The following DSCAML1 variants were observed in gnomAD, a reference collection of about 807,000 sequenced individuals.
DSCAML1 encodes DS cell adhesion molecule like 1.
Under a neutral mutation model 200.5 loss-of-function variants are expected in DSCAML1, and 38 were observed. The ratio of observed to expected loss-of-function variants is 0.19; its 90% CI spans 0.15 to 0.25. The LOEUF is 0.25. DSCAML1 is among the 10% of genes least tolerant of loss of function. DSCAML1 has a pLI of 1.00. For missense variants in DSCAML1, 2,223 were observed against 2,858.8 expected, an observed-to-expected ratio of 0.78 and a Z score of 5.07; for synonymous variants, 1,215 against 1,165.0, an observed-to-expected ratio of 1.04 and a Z score of -0.87.
intron 3 of DSCAML1, among the ~76,000 whole-genome samples, chr11:117,710,575 C>T (rs575629902): frequency 1.9e-4 from 29 of 152,318 alleles, no homozygotes; most frequent in African/African-American, 7.0e-4. Flanking sequence ...CAGCTCTGCA[C>T]CTTACAACCT....
In DSCAML1 at chr11:117,780,756, T is replaced by G; in HGVS notation, c.101A>C (p.Gln34Pro). 1 of 1,533,540 alleles carries G rather than the reference T, an allele frequency of 6.5e-7. No homozygotes were observed. The highest frequency in any genetic ancestry group is 8.8e-7 in the Non-Finnish European group (1 of 1,142,516). 95.0% of individuals were successfully genotyped at this position (1,533,540 alleles called of 1,614,324 possible). A position where few individuals can be genotyped will look rare whatever the true frequency, so the allele number is the denominator to read the frequency against. The change falls in exon 2 of 33, where the codon CAG (glutamine) becomes CCG (proline). Residue 34 changes from glutamine (Q) to proline (P), a missense_variant. By Grantham distance (76) the Gln-to-Pro change is moderately conservative. Coordinates refer to ENST00000651296, the MANE Select transcript of DSCAML1 (RefSeq NM_020693.4). This position sits in a 1 kb window ranked among gnomAD's most constrained non-coding sequence, Gnocchi z 4.8. ...CCCCACGGAGCTGGAAAAGGTCACC[T>G]GCTGCAAGGAGTCATTTACAAAGTA... ...SLYFVNDSLQ[Q>P]VTFSSSVGVV...
chr11:117,803,272 G>A (rs972884102), intron 1 of DSCAML1, among the ~76,000 whole-genome samples: 1 of 152,126 alleles, frequency 6.6e-6, no homozygotes, highest in African/African-American at 2.4e-5. Context: ...AGGGGTGTGT[G>A]TGTAGCATAG....
At chr11:117,579,183 T>C (rs1319757199) in intron 3 of DSCAML1, among the ~76,000 whole-genome samples, 1 of 152,178 alleles carries the variant, frequency 6.6e-6, no homozygotes, top group East Asian at 1.9e-4. Context: ...GCTTCCACTC[T>C]TGTCCTCTTG....
intron 3 of DSCAML1, among the ~76,000 whole-genome samples, chr11:117,609,293 T>C (rs2051639773): frequency 4.6e-5 from 1 of 21,546 alleles, no homozygotes; most frequent in Non-Finnish European, 8.3e-5. Flanking sequence ...TGATTTTCTT[T>C]TCTTTCTTTC....
chr11:117,494,646 C>T (rs977768326), intron 11 of DSCAML1, among the ~76,000 whole-genome samples: 15 of 152,114 alleles, frequency 9.9e-5, no homozygotes, highest in African/African-American at 3.1e-4. Flanking sequence ...TACCTGTGAA[C>T]GGGGACTTAC....
chr11:117,546,773 CCTCTAAATACAG>C (rs2050380030), intron 3 of DSCAML1, among the ~76,000 whole-genome samples: 1 of 152,122 alleles, frequency 6.6e-6, no homozygotes, highest in Non-Finnish European at 1.5e-5. Flanking sequence ...CGAATCCTTT[CCTCTAAATACAG>C]CTCTATCTTT....
At chr11:117,808,537 GACTAC>G (rs1298058784) in intron 1 of DSCAML1, among the ~76,000 whole-genome samples, 6 of 152,182 alleles carry the variant, frequency 3.9e-5, no homozygotes, top group African/African-American at 1.4e-4. Flanking sequence ...AGAGATCCCA[GACTAC>G]AGAATCCGGG....
chr11:117,644,594 G>A (rs1231802619), intron 3 of DSCAML1, among the ~76,000 whole-genome samples: 2 of 152,196 alleles, frequency 1.3e-5, no homozygotes, highest in Non-Finnish European at 2.9e-5. Context: ...CGGCCACAAC[G>A]CCTTCCTAGG....
intron 26 of DSCAML1, among the ~76,000 whole-genome samples, 178 bp downstream of exon 26, chr11:117,436,944 G>T (rs746901711): frequency 6.6e-6 from 1 of 152,278 alleles, no homozygotes; most frequent in Middle Eastern, 3.4e-3. Flanking sequence ...TTACCTGGCT[G>T]CAACAAACCT....
At chr11:117,756,215 T>C (rs547594701) in intron 3 of DSCAML1, among the ~76,000 whole-genome samples, 1 of 152,186 alleles carries the variant, frequency 6.6e-6, no homozygotes, top group Admixed American at 6.5e-5. Context: ...GGAAGGTCAC[T>C]CAACATGGCA....
intron 1 of DSCAML1, among the ~76,000 whole-genome samples, chr11:117,787,889 T>C (rs763949310): frequency 2.6e-5 from 4 of 152,282 alleles, no homozygotes; most frequent in East Asian, 1.9e-4. Context: ...AAGGTTTTCA[T>C]GGGAGATGTG....
In DSCAML1 at chr11:117,428,191, A is replaced by G. The variant is rs1042831450; in HGVS notation, c.*137T>C. The G allele has an allele frequency of 1.6e-6, 1 of 630,606 alleles. No individual in the cohort carries two copies. Among genetic ancestry groups the G allele is most frequent in the Non-Finnish European group, 2.8e-6 (1 of 350,956 alleles). 39.1% of individuals were successfully genotyped at this position (630,606 alleles called of 1,614,324 possible). A position where few individuals can be genotyped will look rare whatever the true frequency, so the allele number is the denominator to read the frequency against. ...AAAAGAGTTCTATGTACAGGCGTTCATGATTGGGGGTTTTTGTTTTGTCGT... is the reference window on the plus strand; with the variant it reads ...AAAAGAGTTCTATGTACAGGCGTTCGTGATTGGGGGTTTTTGTTTTGTCGT... On this transcript the variant is annotated 3_prime_UTR_variant, in exon 33 of 33. Coordinates refer to ENST00000651296, the MANE Select transcript of DSCAML1 (RefSeq NM_020693.4).
At chr11:117,428,894 TTCTC>T (rs2047724729) in intron 32 of DSCAML1, 91 bp from the exon 33 acceptor site, 5 of 1,299,586 alleles carry the variant, frequency 3.8e-6, no homozygotes, top group Non-Finnish European at 5.3e-6. Flanking sequence ...GCCCCCAGTC[TTCTC>T]TCTGATTTGG....
intron 3 of DSCAML1, among the ~76,000 whole-genome samples, chr11:117,703,694 G>A (rs745667810): frequency 4.6e-5 from 7 of 152,212 alleles, no homozygotes; most frequent in South Asian, 2.1e-4. Context: ...AAAGGCAGCC[G>A]AGTGAATGTG....
rs776783344 is a variant in DSCAML1, at chr11:117,524,903, G to A, written c.839C>T (p.Thr280Ile). The change falls in exon 5 of 33, where the codon ACC becomes ATC. Residue 280 changes from threonine (T) to isoleucine (I), a missense_variant. This residue lies in a region of DSCAML1 where 579 missense variants were observed against 721.5 expected (regional missense o/e 0.80). Coordinates refer to ENST00000651296, the MANE Select transcript of DSCAML1 (RefSeq NM_020693.4). The stretch of plus-strand genomic sequence containing the variant: ...GTCCTCGGTCCGCAAGTCGCTGATG[G>A]TCAGCCCTGTGATGCGCTTGGTCCA... ...SRWTKRITGL[T>I]ISDLRTEDSG... The A allele has an allele frequency of 6.2e-7, 1 of 1,613,506 alleles. No individual in the cohort carries two copies. Among genetic ancestry groups the A allele is most frequent in the Non-Finnish European group, 8.5e-7 (1 of 1,179,832 alleles).
chr11:117,458,726 C>T (rs1277291467), intron 19 of DSCAML1, 28 bp downstream of exon 19: 13 of 1,607,568 alleles, frequency 8.1e-6, no homozygotes, highest in Non-Finnish European at 1.1e-5. Context: ...GCAGGGCCAG[C>T]CTGTCCCAAG....
chr11:117,702,750 T>C (rs1453107627), intron 3 of DSCAML1, among the ~76,000 whole-genome samples: 1 of 152,218 alleles, frequency 6.6e-6, no homozygotes, highest in Non-Finnish European at 1.5e-5. Flanking sequence ...TTCATCATAA[T>C]ACTAGGTGTT....
chr11:117,591,462 G>A (rs942006974), intron 3 of DSCAML1, among the ~76,000 whole-genome samples: 1 of 152,234 alleles, frequency 6.6e-6, no homozygotes, highest in African/African-American at 2.4e-5. Flanking sequence ...AATCCACTCA[G>A]CTACTGTCAC....
chr11:117,561,059 G>A (rs2050653629), intron 3 of DSCAML1, among the ~76,000 whole-genome samples: 1 of 152,204 alleles, frequency 6.6e-6, no homozygotes, highest in Admixed American at 6.5e-5. Flanking sequence ...AGCTCAGGCT[G>A]CAGGGGCAGA....
Sources: allele counts gnomAD v4.1 joint callset (sites outside exome capture counted in the v4.1 genomes callset), GRCh38; gene constraint gnomAD v4.1.1; regional missense constraint gnomAD v4.1.1; non-coding constraint Gnocchi (gnomAD v3.1); transcripts MANE v1.5; gene names NCBI Gene and HGNC (gene_info 2026-07-23, HGNC 2026-07-21).